DCHS1: variants seen among roughly 807,000 people sequenced by gnomAD.
DCHS1 encodes the protein protocadherin-16.
A neutral mutation model predicts 213.9 loss-of-function variants in DCHS1; 78 were observed. The observed-to-expected ratio is 0.36, with a 90% CI of 0.30 to 0.44. DCHS1 has a LOEUF of 0.44. Among genes scored for constraint, DCHS1 ranks in the 20% least tolerant of loss-of-function variants. The pLI is 1.00. For missense variants in DCHS1, 3,946 were observed against 4,395.9 expected (o/e 0.90, Z 2.89); for synonymous variants, 1,828 against 1,873.7 (o/e 0.98, Z 0.63).
intron 5 of DCHS1, 45 bp downstream of exon 5, chr11:6,633,367 G>C (rs1244415414): frequency 6.6e-7 from 1 of 1,516,206 alleles, no homozygotes; most frequent in East Asian, 2.5e-5. Flanking sequence ...GGTTATACTG[G>C]GGTATTTGGG....
Position 6,641,138 on chromosome 11 carries a change from C to A in DCHS1, c.476G>T (p.Gly159Val). 1 of 1,613,774 alleles carries A rather than the reference C, an allele frequency of 6.2e-7. No homozygotes were observed. ...ALQVPEHTAFGTRYPLEPARD... is the reference protein window; with the variant it reads ...ALQVPEHTAFVTRYPLEPARD... ...AGCAGGCTCCAGTGGGTAGCGGGTG[C>A]CAAAAGCTGTATGCTCAGGTACCTG... Residue 159 changes from glycine (G) to valine (V), a missense_variant, in exon 2 of 21, where the codon GGC becomes GTC. Physicochemically the swap from Gly to Val is moderately radical, Grantham distance 109. This residue lies in a region of DCHS1 where 3,384 missense variants were observed against 3,780.1 expected (regional missense o/e 0.90). Coordinates refer to ENST00000299441, the MANE Select transcript of DCHS1 (RefSeq NM_003737.4). The surrounding 1 kb of genome is among the most constrained non-coding windows in gnomAD (Gnocchi z 7.1).
chr11:6,627,268 C>A lies in DCHS1; in HGVS notation c.5771G>T (p.Ser1924Ile). 1 of 1,613,324 alleles carries A rather than the reference C, an allele frequency of 6.2e-7. No individual in the cohort carries two copies. Among genetic ancestry groups the A allele is most frequent in the Non-Finnish European group, 8.5e-7 (1 of 1,179,800 alleles). Residue 1924 changes from serine to isoleucine, a missense_variant, in exon 14 of 21, where the codon AGC (serine) becomes ATC (isoleucine). Ser to Ile is a moderately radical substitution (Grantham distance 142). Coordinates refer to ENST00000299441, the MANE Select transcript of DCHS1 (RefSeq NM_003737.4). This position sits in a 1 kb window ranked among gnomAD's most constrained non-coding sequence, Gnocchi z 5.4. ...AAALDREQCP[S>I]YTFSVSAVDG... Reference sequence around the variant, plus strand: ...CACTGCACTCACAGAAAAGGTGTAGCTGGGACACTGTTCTCTGTCCAAGGC... The same window carrying A: ...CACTGCACTCACAGAAAAGGTGTAGATGGGACACTGTTCTCTGTCCAAGGC...
rs771730718 is a variant in DCHS1, at chr11:6,622,242, C to A, written c.9434G>T (p.Gly3145Val). The change falls in exon 21 of 21, where the codon GGT becomes GTT. Residue 3145 changes from glycine (G) to valine (V), a missense_variant. This residue lies in a region of DCHS1 where 554 missense variants were observed against 590.2 expected (regional missense o/e 0.94). Coordinates refer to ENST00000299441, the MANE Select transcript of DCHS1 (RefSeq NM_003737.4). The surrounding 1 kb of genome is among the most constrained non-coding windows in gnomAD (Gnocchi z 5.4). ...FPADGKPCVA[G>V]ALTAIVAGEE... ...GCCGGCCACAATGGCTGTCAGCGCA[C>A]CTGCCACACATGGCTTGCCATCTGC... 4 of 1,602,766 alleles carry A rather than the reference C, an allele frequency of 2.5e-6. No homozygotes were observed. The highest frequency in any genetic ancestry group is 2.6e-6 in the Non-Finnish European group (3 of 1,176,338).
At chr11:6,629,932 G>A in intron 10 of DCHS1, 21 bp from the exon 11 acceptor site, 1 of 1,607,854 alleles carries the variant, frequency 6.2e-7, no homozygotes, top group Non-Finnish European at 8.5e-7. Flanking sequence ...GGTAAGGCAG[G>A]TTGGTGGGGA....
chr11:6,625,262 T>C lies in DCHS1; in HGVS notation c.7082A>G (p.Asn2361Ser). Residue 2361 changes from asparagine (N) to serine (S), a missense_variant, in exon 19 of 21, where the codon AAC becomes AGC. Asn to Ser is a conservative substitution (Grantham distance 46, BLOSUM62 1). Coordinates refer to ENST00000299441, the MANE Select transcript of DCHS1 (RefSeq NM_003737.4). The surrounding 1 kb of genome is among the most constrained non-coding windows in gnomAD (Gnocchi z 5.3). ...GACATCCTCCACAAGCACTGTGAGG[T>C]TGGCACGGCCCTCATGAGGCCCATC... ...AHDGPHEGRA[N>S]LTVLVEDVND... 1 of 1,612,868 alleles carries C rather than the reference T, an allele frequency of 6.2e-7. No homozygotes were observed. Among genetic ancestry groups the C allele is most frequent in the Non-Finnish European group, 8.5e-7 (1 of 1,179,458 alleles).
intron 1 of DCHS1, among the ~76,000 whole-genome samples, chr11:6,645,637 G>A (rs1856143308): frequency 6.6e-6 from 1 of 152,172 alleles, no homozygotes; most frequent in African/African-American, 2.4e-5. Context: ...AATCTCAGGT[G>A]AATGATCAGA....
chr11:6,651,397 T>A (rs1856240537), intron 1 of DCHS1, among the ~76,000 whole-genome samples: 1 of 152,034 alleles, frequency 6.6e-6, no homozygotes, highest in African/African-American at 2.4e-5. Flanking sequence ...GTGAGGGGGC[T>A]GGGGAAATGG....
Position 6,625,478 on chromosome 11 carries a change from G to A in DCHS1, c.6866C>T (p.Ala2289Val), listed in dbSNP as rs571494644. 54 of 1,602,768 alleles carry A rather than the reference G, an allele frequency of 3.4e-5. No individual in the cohort carries two copies. The highest frequency in any genetic ancestry group is 3.7e-5 in the Non-Finnish European group (44 of 1,174,334). ...QPWELRVSED[A>V]LLGSEIAQVT... ...CTGTGCAATCTCTGAGCCCAATAACGCATCTGGAATACATGAGACTAGTGT... is the reference window on the plus strand; with the variant it reads ...CTGTGCAATCTCTGAGCCCAATAACACATCTGGAATACATGAGACTAGTGT... The change falls in exon 19 of 21, where the codon GCG becomes GTG. Residue 2289 changes from alanine (A) to valine (V), a missense_variant. Ala to Val is a moderately conservative substitution (Grantham distance 64). Around this residue, in one of 3 missense-constraint regions of DCHS1, gnomAD observed 3,384 missense variants for 3,780.1 expected, o/e 0.90. Transcript: ENST00000299441. The surrounding 1 kb of genome is among the most constrained non-coding windows in gnomAD (Gnocchi z 5.3).
rs779058249 is a variant in DCHS1 at position 6,622,122 on chromosome 11, C to T, written c.9554G>A (p.Arg3185Gln). ...ACATGGCCGAGCTTCATCCTTGAGC[C>T]GAGCGATCTCTGTGAAGACACTGGC... The part of the protein sequence containing the change: ...PLASVFTEIA[R>Q]LKDEARPCPP... Residue 3185 changes from arginine to glutamine, a missense_variant, in exon 21 of 21, where the codon CGG (arginine) becomes CAG (glutamine). Physicochemically the swap from Arg to Gln is conservative, Grantham distance 43 (BLOSUM62 1). This residue lies in a region of DCHS1 where 554 missense variants were observed against 590.2 expected (regional missense o/e 0.94). Coordinates refer to ENST00000299441, the MANE Select transcript of DCHS1 (RefSeq NM_003737.4). This position sits in a 1 kb window ranked among gnomAD's most constrained non-coding sequence, Gnocchi z 5.4. The T allele has an allele frequency of 2.5e-5, 41 of 1,613,028 alleles. No individual in the cohort carries two copies. Among genetic ancestry groups the T allele is most frequent in the East Asian group, 6.7e-5 (3 of 44,886 alleles).
Position 6,623,803 on chromosome 11 carries a change from C to T in DCHS1, c.7873G>A (p.Glu2625Lys). 1.2e-6 allele frequency: 2 copies of T among 1,613,936 alleles called. No homozygotes were observed. Among genetic ancestry groups the T allele is most frequent in the African/African-American group, 2.7e-5 (2 of 75,068 alleles). ...TPVGAELLHV[E>K]ASDADPGPHG... ...GGGCCAGGGTCAGCGTCAGAGGCCT[C>T]TACATGCAGCAGCTCAGCTCCAACA... The change falls in exon 21 of 21, where the codon GAG becomes AAG. Residue 2625 changes from glutamate (E) to lysine (K), a missense_variant. Glu to Lys is a moderately conservative substitution (Grantham distance 56). This residue lies in a region of DCHS1 where 3,384 missense variants were observed against 3,780.1 expected (regional missense o/e 0.90). Coordinates refer to ENST00000299441, the MANE Select transcript of DCHS1 (RefSeq NM_003737.4).
At position 6,634,410 on chromosome 11, in the gene DCHS1, GAC is replaced by G. The variant is rs1249247349; in HGVS notation, c.1798-106_1798-105del. 10 of 1,298,942 alleles carry G rather than the reference GAC, an allele frequency of 7.7e-6. No individual in the cohort carries two copies. The Admixed American group carries it at 2.8e-4, about 36-fold the overall frequency. 80.5% of individuals were successfully genotyped at this position (1,298,942 alleles called of 1,614,324 possible). ...ACTGGTGCTAAGTCTCTGGATGGCG[GAC>G]ACACAGAGAGGACTAGTAGGACATG... On this transcript the variant is annotated intron_variant, in intron 2 of 20. Coordinates refer to ENST00000299441, the MANE Select transcript of DCHS1 (RefSeq NM_003737.4).
chr11:6,650,311 C>A (rs372619600), intron 1 of DCHS1, among the ~76,000 whole-genome samples: 1 of 152,144 alleles, frequency 6.6e-6, no homozygotes, highest in East Asian at 1.9e-4. Flanking sequence ...TGCCCTTTCA[C>A]CAGGAGACAC....
In DCHS1 at chr11:6,641,434, C is replaced by T; in HGVS notation, c.180G>A (p.Leu60=). 1.2e-6 allele frequency: 2 copies of T among 1,611,654 alleles called. No homozygotes were observed. Among genetic ancestry groups the T allele is most frequent in the African/African-American group, 1.3e-5 (1 of 75,038 alleles). The change falls in exon 2 of 21, where the codon CTG becomes CTA. Residue 60 remains leucine (L), a synonymous_variant. Coordinates refer to ENST00000299441, the MANE Select transcript of DCHS1 (RefSeq NM_003737.4). This position sits in a 1 kb window ranked among gnomAD's most constrained non-coding sequence, Gnocchi z 7.1. ...GAAGCCCCGCACTGATGTCGCCAAT[C>T]AGTGTACCCGCTGGCTGCTCCTCAT... ...QIDEEQPAGT[L]IGDISAGLPA...
intron 1 of DCHS1, among the ~76,000 whole-genome samples, chr11:6,646,042 TAC>T (rs1317428897): frequency 6.6e-6 from 1 of 151,734 alleles, no homozygotes; most frequent in Non-Finnish European, 1.5e-5. Context: ...CAGGCATACA[TAC>T]ACACACACAG....
At chr11:6,634,723 T>A (rs1855964071) in intron 2 of DCHS1, among the ~76,000 whole-genome samples, 1 of 151,878 alleles carries the variant, frequency 6.6e-6, no homozygotes, top group African/African-American at 2.4e-5. Context: ...ACTTCAGCAC[T>A]ACACTTGGGG....
At position 6,622,848 on chromosome 11, in the gene DCHS1, G is replaced by C; in HGVS notation, c.8828C>G (p.Ala2943Gly). 2 of 1,595,570 alleles carry C rather than the reference G, an allele frequency of 1.3e-6. No individual in the cohort carries two copies. Among genetic ancestry groups the C allele is most frequent in the Non-Finnish European group, 1.7e-6 (2 of 1,171,144 alleles). ...AAGCACCACCACAACTCCCAAGGAG[G>C]CTGCCACGGCCCCTACTAATAGCAG... Reference protein sequence around the residue: ...LNLLLVGAVAASLGVVVVLAL... With the variant: ...LNLLLVGAVAGSLGVVVVLAL... Residue 2943 changes from alanine (A) to glycine (G), a missense_variant, in exon 21 of 21, where the codon GCC (alanine) becomes GGC (glycine). Ala to Gly is a moderately conservative substitution (Grantham distance 60, BLOSUM62 0). Coordinates refer to ENST00000299441, the MANE Select transcript of DCHS1 (RefSeq NM_003737.4). The surrounding 1 kb of genome is among the most constrained non-coding windows in gnomAD (Gnocchi z 5.4).
At chr11:6,635,949 G>A (rs988687728) in intron 2 of DCHS1, among the ~76,000 whole-genome samples, 14 of 152,192 alleles carry the variant, frequency 9.2e-5, no homozygotes, top group African/African-American at 3.4e-4. Context: ...ATTTTCAGCA[G>A]ATTCTCAGCT....
chr11:6,626,478 A>G lies in DCHS1; in HGVS notation c.6364+74T>C. On this transcript the variant is annotated intron_variant, in intron 15 of 20. Coordinates refer to ENST00000299441, the MANE Select transcript of DCHS1 (RefSeq NM_003737.4). This position sits in a 1 kb window ranked among gnomAD's most constrained non-coding sequence, Gnocchi z 5.2. The stretch of plus-strand genomic sequence containing the variant: ...CTCAAGGACAGCCCTTCACCCATCA[A>G]AGGCTCCTCTGATGCAAAGAACCTG... 6.2e-7 allele frequency: 1 copy of G among 1,602,076 alleles called. No homozygotes were observed. Among genetic ancestry groups the G allele is most frequent in the Non-Finnish European group, 8.5e-7 (1 of 1,170,658 alleles).
Position 6,632,962 on chromosome 11 carries a change from G to C in DCHS1, c.2550C>G (p.Arg850=). ...DAVSGLLQTL[R]PLDRELLGPV... ...GTCCCAGTAGCTCCCGGTCCAGAGG[G>C]CGAAGTGTTTGCAACAGTCCTGATA... Residue 850 remains arginine, a synonymous_variant, in exon 6 of 21, where the codon CGC becomes CGG. Coordinates refer to ENST00000299441, the MANE Select transcript of DCHS1 (RefSeq NM_003737.4). This position sits in a 1 kb window ranked among gnomAD's most constrained non-coding sequence, Gnocchi z 5.9. 1 of 1,614,038 alleles carries C rather than the reference G, an allele frequency of 6.2e-7. No individual in the cohort carries two copies. Among genetic ancestry groups the C allele is most frequent in the South Asian group, 1.1e-5 (1 of 91,090 alleles).
Sources: gnomAD v4.1 joint callset for allele counts (sites outside exome capture counted in the v4.1 genomes callset) on GRCh38, gnomAD v4.1.1 for gene constraint, gnomAD v4.1.1 regional missense constraint, Gnocchi (gnomAD v3.1) non-coding constraint, MANE v1.5 for transcripts, NCBI Gene and HGNC (gene_info 2026-07-23, HGNC 2026-07-21) for gene names.